CPSF7: variants seen among roughly 807,000 people sequenced by gnomAD.
The protein encoded by CPSF7 is cleavage and polyadenylation specificity factor subunit 7.
A neutral mutation model predicts 44.3 loss-of-function variants in CPSF7; 1 was observed. The observed-to-expected ratio is 0.02, with a 90% CI of 0.01 to 0.11. The LOEUF (loss-of-function observed/expected upper bound fraction) is 0.11, where lower values mean the gene tolerates loss of function less well. Ranked by LOEUF, CPSF7 falls within the 10% of genes least tolerant of loss-of-function variation. CPSF7 has a pLI of 1.00. For synonymous variants in CPSF7, 202 were observed against 222.0 expected, an observed-to-expected ratio of 0.91 and a Z score of 0.80; for missense variants, 443 against 607.2, an observed-to-expected ratio of 0.73 and a Z score of 2.84.
At chr11:61,418,019 A>G (rs749504103) in intron 5 of CPSF7, among the ~76,000 whole-genome samples, 8 of 152,242 alleles carry the variant, frequency 5.3e-5, no homozygotes, top group Non-Finnish European at 1.2e-4. Flanking sequence ...TACATACCTA[A>G]GGAAAGTCAG....
chr11:61,429,212 A>C lies in CPSF7; in HGVS notation c.24T>G (p.Ile8Met), dbSNP rs1565123227. 6.2e-7 allele frequency: 1 copy of C among 1,612,036 alleles called. No individual in the cohort carries two copies. The change falls in exon 2 of 10, where the codon ATT becomes ATG. Residue 8 changes from isoleucine to methionine, a missense_variant. Coordinates refer to ENST00000439958, the MANE Select transcript of CPSF7 (RefSeq NM_001142565.3). MSEGVDL[I>M]DIYADEEFNQ... ...TGAACTCCTCGTCAGCATATATATC[A>C]ATCAAGTCCACTCCTTCTGACATGG...
At chr11:61,416,792 C>G (rs977034342) in intron 5 of CPSF7, among the ~76,000 whole-genome samples, 1 of 152,152 alleles carries the variant, frequency 6.6e-6, no homozygotes, top group African/African-American at 2.4e-5. Flanking sequence ...TTAATTTATC[C>G]TTATATGTAT....
intron 6 of CPSF7, 159 bp from the exon 7 acceptor site, chr11:61,415,943 G>A: frequency 1.2e-6 from 1 of 824,402 alleles, no homozygotes; most frequent in Non-Finnish European, 1.9e-6. Context: ...CTTAAAAAGG[G>A]GTATAAAGGA....
intron 2 of CPSF7, among the ~76,000 whole-genome samples, chr11:61,424,298 G>A (rs1024315415): frequency 2.0e-5 from 3 of 152,138 alleles, no homozygotes; most frequent in Admixed American, 6.5e-5. Context: ...TAGCTGTTAC[G>A]TCTCAAACTA....
At chr11:61,429,738 C>T in intron 1 of CPSF7, 176 bp downstream of exon 1, 1 of 1,544,262 alleles carries the variant, frequency 6.5e-7, no homozygotes, top group Non-Finnish European at 8.7e-7. Context: ...TAGGCCCGCC[C>T]CGCTCCCTCC....
intron 7 of CPSF7, among the ~76,000 whole-genome samples, chr11:61,413,276 G>A (rs182040562): frequency 1.3e-5 from 2 of 152,210 alleles, no homozygotes; most frequent in Non-Finnish European, 2.9e-5. Context: ...CCTACCATCA[G>A]ATGTATGTGT....
rs1278564015 is a variant in CPSF7 at position 61,429,917 on chromosome 11, G to A, written c.-59C>T. ...CCCGACCGCGCGCCCCCGTTACCGG[G>A]AATATGGCGGCGGCGGCGGCGAGTC... is the stretch of plus-strand genomic sequence containing the variant. On this transcript the variant is annotated 5_prime_UTR_variant, in exon 1 of 10. Transcript: ENST00000439958. 5.4e-6 allele frequency: 8 copies of A among 1,481,464 alleles called. No homozygotes were observed. Among genetic ancestry groups the A allele is most frequent in the African/African-American group, 1.4e-5 (1 of 69,748 alleles). 91.8% of individuals were successfully genotyped at this position (1,481,464 alleles called of 1,614,324 possible). A position where few individuals can be genotyped will look rare whatever the true frequency, so the allele number is the denominator to read the frequency against.
rs1217946072 is a variant in CPSF7, at chr11:61,402,854, A to C, written c.*1856T>G. 1 of 152,562 alleles carries C rather than the reference A, an allele frequency of 6.6e-6. No individual in the cohort carries two copies. Among genetic ancestry groups the C allele is most frequent in the Non-Finnish European group, 1.5e-5 (1 of 68,038 alleles). The allele number at this position is 152,562 out of a possible 1,614,324, so 9.5% of individuals were successfully genotyped here. A position where few individuals can be genotyped will look rare whatever the true frequency, so the allele number is the denominator to read the frequency against. The stretch of plus-strand genomic sequence containing the variant: ...GGGTGTTTTTTTTCCTTTTGCTATC[A>C]GGAAATAAAACTAAAAATGGTGTCA... On this transcript the variant is annotated 3_prime_UTR_variant, in exon 10 of 10. Coordinates refer to ENST00000439958, the MANE Select transcript of CPSF7 (RefSeq NM_001142565.3).
chr11:61,429,947 C>T lies in CPSF7; in HGVS notation c.-89G>A, dbSNP rs543768577. ...TGGCGGCGGCGGCGGCGAGTCCGGA[C>T]TAGGCCCGAAGCGCGCGAACCGCTC... On this transcript the variant is annotated 5_prime_UTR_variant, in exon 1 of 10. Transcript: ENST00000439958. 1.4e-6 allele frequency: 2 copies of T among 1,397,920 alleles called. No individual in the cohort carries two copies. The highest frequency in any genetic ancestry group is 2.2e-5 in the Admixed American group (1 of 45,052). The allele number at this position is 1,397,920 out of a possible 1,614,324, so 86.6% of individuals were successfully genotyped here.
At position 61,410,982 on chromosome 11, in the gene CPSF7, A is replaced by G. The variant is rs1261381407; in HGVS notation, c.1350T>C (p.His450=). 1.9e-6 allele frequency: 3 copies of G among 1,613,254 alleles called. No homozygotes were observed. In the Admixed American group the frequency reaches 5.0e-5, roughly 27 times the overall value. The change falls in exon 9 of 10, where the codon CAT becomes CAC. Residue 450 remains histidine (H), a synonymous_variant. Coordinates refer to ENST00000439958, the MANE Select transcript of CPSF7 (RefSeq NM_001142565.3). ...DDYFQERNRE[H]ERHRDRERDR... ...CCCGTTCTCTATCCCGGTGTCTCTC[A>G]TGCTCCCGGTTCCTTTCTTGGAAAT...
intron 7 of CPSF7, among the ~76,000 whole-genome samples, chr11:61,414,148 A>ATT (rs11420964): frequency 0.016 from 2,183 of 132,606 alleles, 57 homozygotes; most frequent in South Asian, 0.023. Context: ...AAAAAGACTA[A>ATT]TTTTTTTTTT....
At chr11:61,412,009 C>G in intron 7 of CPSF7, 72 bp from the exon 8 acceptor site, 1 of 1,371,686 alleles carries the variant, frequency 7.3e-7, no homozygotes, top group Non-Finnish European at 1.0e-6. Context: ...AAGGAGAACT[C>G]AGGCAGACAC....
At chr11:61,410,879 C>T (rs917517161) in intron 9 of CPSF7, 59 bp downstream of exon 9, 2 of 1,489,880 alleles carry the variant, frequency 1.3e-6, no homozygotes, top group Non-Finnish European at 1.8e-6. Context: ...GAATTCTTCA[C>T]TATAAATCTT....
chr11:61,423,207 C>A (rs1191843127), intron 2 of CPSF7, among the ~76,000 whole-genome samples: 2 of 138,316 alleles, frequency 1.4e-5, no homozygotes, highest in Non-Finnish European at 3.0e-5. Flanking sequence ...CAGTCTTGCT[C>A]CATTGCCCAG....
rs1470223278 is a variant in CPSF7, at chr11:61,420,539, C to T, written c.308G>A (p.Arg103His). 3 of 1,614,120 alleles carry T rather than the reference C, an allele frequency of 1.9e-6. No individual in the cohort carries two copies. The highest frequency in any genetic ancestry group is 1.3e-5 in the African/African-American group (1 of 75,002). The change falls in exon 4 of 10, where the codon CGC (arginine) becomes CAC (histidine). Residue 103 changes from arginine to histidine, a missense_variant. Physicochemically the swap from Arg to His is conservative, Grantham distance 29. Transcript: ENST00000439958. ...CACCACATCATAGACTCCTATAGAG[C>T]GAATAACCTGGATCAGCTGCTGGTC... is the stretch of plus-strand genomic sequence containing the variant. ...TTDQQLIQVI[R>H]SIGVYDVVEL...
intron 5 of CPSF7, among the ~76,000 whole-genome samples, chr11:61,417,092 T>G (rs1005537220): frequency 6.6e-6 from 1 of 152,048 alleles, no homozygotes; most frequent in Non-Finnish European, 1.5e-5. Context: ...GAGACACACA[T>G]GAAGACTAGA....
intron 2 of CPSF7, among the ~76,000 whole-genome samples, chr11:61,423,807 T>TA (rs1861115159): frequency 6.6e-6 from 1 of 152,226 alleles, no homozygotes; most frequent in African/African-American, 2.4e-5. Context: ...AATTTACTCT[T>TA]AGACCAGTCC....
chr11:61,415,460 G>A (rs1860235010), intron 7 of CPSF7, among the ~76,000 whole-genome samples: 1 of 152,068 alleles, frequency 6.6e-6, no homozygotes, highest in Non-Finnish European at 1.5e-5. Context: ...TTTCATGAGG[G>A]CAGGCCTAGA....
chr11:61,429,006 A>G (rs1178649064), intron 2 of CPSF7, 176 bp downstream of exon 2: 1 of 463,296 alleles, frequency 2.2e-6, no homozygotes, highest in African/African-American at 2.0e-5. Flanking sequence ...GGAGCTTCAA[A>G]TTAACATAAA....
Sources: gnomAD v4.1 joint callset for allele counts (sites outside exome capture counted in the v4.1 genomes callset) on GRCh38, gnomAD v4.1.1 for gene constraint, MANE v1.5 for transcripts, NCBI Gene and HGNC (gene_info 2026-07-23, HGNC 2026-07-21) for gene names.